KIAA0040: variants seen among roughly 807,000 people sequenced by gnomAD.
KIAA0040 encodes uncharacterized protein KIAA0040.
Under a neutral mutation model 7.2 loss-of-function variants are expected in KIAA0040, and 10 were observed. The ratio of observed to expected loss-of-function variants is 1.38; its 90% CI spans 0.85 to 2.34. KIAA0040 has a LOEUF of 2.34. Ranked by LOEUF, KIAA0040 falls within the 30% of genes most tolerant of loss-of-function variation. The pLI is 0.00. For synonymous variants in KIAA0040, 49 were observed against 40.1 expected, an observed-to-expected ratio of 1.22 and a Z score of -0.84; for missense variants, 89 against 108.2, an observed-to-expected ratio of 0.82 and a Z score of 0.79.
chr1:175,189,336 T>A (rs1393736162), intron 1 of KIAA0040, among the ~76,000 whole-genome samples: 9 of 152,070 alleles, frequency 5.9e-5, no homozygotes, highest in Admixed American at 5.9e-4. Flanking sequence ...AGCACCTTGG[T>A]GAGAATTAGA....
At chr1:175,182,379 C>T (rs1571212293) in intron 1 of KIAA0040, among the ~76,000 whole-genome samples, 2 of 152,162 alleles carry the variant, frequency 1.3e-5, no homozygotes, top group East Asian at 3.8e-4. Flanking sequence ...GTCACAAGGC[C>T]CTGGGTAACC....
chr1:175,192,185 C>T (rs1295652883), intron 1 of KIAA0040, among the ~76,000 whole-genome samples: 10 of 152,180 alleles, frequency 6.6e-5, no homozygotes, highest in Non-Finnish European at 1.5e-4. Flanking sequence ...TCCTCTCCGC[C>T]CCTGGCTCCA....
At chr1:175,175,674 T>C (rs374888853) in intron 2 of KIAA0040, among the ~76,000 whole-genome samples, 1 of 152,174 alleles carries the variant, frequency 6.6e-6, no homozygotes, top group South Asian at 2.1e-4. Flanking sequence ...GGCACATATA[T>C]ACCATGGAAT....
intron 3 of KIAA0040, among the ~76,000 whole-genome samples, chr1:175,165,094 A>T (rs1676705007): frequency 6.6e-6 from 1 of 152,144 alleles, no homozygotes; most frequent in African/African-American, 2.4e-5. Flanking sequence ...TTTTTTTGAA[A>T]CCAAATATTA....
Position 175,159,364 on chromosome 1 carries a change from C to T in KIAA0040, c.*1350G>A, listed in dbSNP as rs1676430488. 1 of 152,224 alleles carries T rather than the reference C, an allele frequency of 6.6e-6. No homozygotes were observed. The highest frequency in any genetic ancestry group is 1.5e-5 in the Non-Finnish European group (1 of 68,038). The allele number at this position is 152,224 out of a possible 1,614,324, so 9.4% of individuals were successfully genotyped here. The stretch of plus-strand genomic sequence containing the variant: ...AAACACCCAATTTCATCCATTGCAG[C>T]AATTAGTGGGCTCACTTAGAAGAGA... On this transcript the variant is annotated 3_prime_UTR_variant, in exon 4 of 4. Transcript: ENST00000423313.
chr1:175,185,317 A>G (rs1408817405), intron 1 of KIAA0040, among the ~76,000 whole-genome samples: 2 of 152,226 alleles, frequency 1.3e-5, no homozygotes, highest in African/African-American at 4.8e-5. Context: ...GAAAATAGGT[A>G]AAGTGCTTAA....
chr1:175,166,022 C>T (rs1056373643), intron 3 of KIAA0040, among the ~76,000 whole-genome samples: 2 of 152,188 alleles, frequency 1.3e-5, no homozygotes, highest in African/African-American at 2.4e-5. Flanking sequence ...ATCCCTGAGA[C>T]CAACTCCAGA....
intron 1 of KIAA0040, among the ~76,000 whole-genome samples, chr1:175,185,000 C>T (rs954194914): frequency 6.6e-6 from 1 of 152,106 alleles, no homozygotes; most frequent in Non-Finnish European, 1.5e-5. Flanking sequence ...CTTAGCTCTT[C>T]GTGGAGACCT....
At chr1:175,192,985 T>C (rs1019001555), upstream of KIAA0040, 7 of 152,298 alleles carry the variant, frequency 4.6e-5, no homozygotes, top group Non-Finnish European at 1.5e-5. Flanking sequence ...ACTTCCTGAA[T>C]CTGGCTCGCC....
At chr1:175,186,593 C>T (rs1677668640) in intron 1 of KIAA0040, among the ~76,000 whole-genome samples, 1 of 152,224 alleles carries the variant, frequency 6.6e-6, no homozygotes, top group African/African-American at 2.4e-5. Context: ...GGTGTTCTTT[C>T]CATGGCCAGC....
At chr1:175,178,733 A>G (rs1677306531) in intron 1 of KIAA0040, among the ~76,000 whole-genome samples, 1 of 152,222 alleles carries the variant, frequency 6.6e-6, no homozygotes, top group South Asian at 2.1e-4. Context: ...CTGGTCTCTA[A>G]GACGGGAAGA....
intron 1 of KIAA0040, among the ~76,000 whole-genome samples, chr1:175,181,245 G>T (rs2101902644): frequency 6.6e-6 from 1 of 152,090 alleles, no homozygotes; most frequent in South Asian, 2.1e-4. Context: ...GGGGGCGGGG[G>T]GCTGGCTCAC....
intron 1 of KIAA0040, among the ~76,000 whole-genome samples, chr1:175,191,369 T>G (rs1677858302): frequency 6.6e-6 from 1 of 152,224 alleles, no homozygotes; most frequent in Non-Finnish European, 1.5e-5. Flanking sequence ...TGACAATGCA[T>G]GGAGGCCAAA....
At position 175,159,834 on chromosome 1, in the gene KIAA0040, T is replaced by A. The variant is rs1676453847; in HGVS notation, c.*880A>T. The A allele has an allele frequency of 6.6e-6, 1 of 152,220 alleles. No homozygotes were observed. The highest frequency in any genetic ancestry group is 2.4e-5 in the African/African-American group (1 of 41,428). 9.4% of individuals were successfully genotyped at this position (152,220 alleles called of 1,614,324 possible). On this transcript the variant is annotated 3_prime_UTR_variant, in exon 4 of 4. Coordinates refer to ENST00000423313, the MANE Select transcript of KIAA0040 (RefSeq NM_014656.3). The stretch of plus-strand genomic sequence containing the variant: ...AGCAGTCACCACCAAGAGCTCTTTG[T>A]TCTTGCTTGGAGAAAGGCACTTTGC...
At chr1:175,182,274 C>T (rs548206178) in intron 1 of KIAA0040, among the ~76,000 whole-genome samples, 3 of 152,278 alleles carry the variant, frequency 2.0e-5, no homozygotes, top group Admixed American at 6.5e-5. Flanking sequence ...GAATTTTCTG[C>T]CTCCTCCCTG....
At chr1:175,167,318 G>A (rs904402882) in intron 2 of KIAA0040, among the ~76,000 whole-genome samples, 33 of 150,066 alleles carry the variant, frequency 2.2e-4, no homozygotes, top group African/African-American at 7.4e-4. Context: ...TTTAAAGAAT[G>A]AGTTCAATTG....
intron 1 of KIAA0040, among the ~76,000 whole-genome samples, chr1:175,181,935 G>C (rs537330242): frequency 6.6e-6 from 1 of 152,318 alleles, no homozygotes; most frequent in South Asian, 2.1e-4. Flanking sequence ...CGATGTTAAG[G>C]CTTCAACACT....
intron 3 of KIAA0040, among the ~76,000 whole-genome samples, chr1:175,163,093 G>A (rs985613859): frequency 1.3e-5 from 2 of 152,188 alleles, no homozygotes; most frequent in African/African-American, 2.4e-5. Context: ...CACTCATTCT[G>A]GAGAGTTTGG....
At chr1:175,187,732 C>T (rs1218122585) in intron 1 of KIAA0040, among the ~76,000 whole-genome samples, 3 of 139,798 alleles carry the variant, frequency 2.1e-5, no homozygotes, top group Admixed American at 8.4e-5. Context: ...GCCCTTGACC[C>T]TCTTTCCCTG....
Sources: gnomAD v4.1 joint callset for allele counts (sites outside exome capture counted in the v4.1 genomes callset) on GRCh38, gnomAD v4.1.1 for gene constraint, MANE v1.5 for transcripts, NCBI Gene and HGNC (gene_info 2026-07-23, HGNC 2026-07-21) for gene names.